Variants in SLC4A10 observed in about 807,000 individuals in gnomAD.
SLC4A10 encodes sodium-driven chloride bicarbonate exchanger.
Under a neutral mutation model 137.7 loss-of-function variants are expected in SLC4A10, and 42 were observed. The observed-to-expected ratio is 0.30, with a 90% confidence interval of 0.24 to 0.39. The LOEUF (loss-of-function observed/expected upper bound fraction) is 0.39, where lower values mean the gene tolerates loss of function less well. SLC4A10 is among the 10% of genes least tolerant of loss of function. The pLI is 1.00. For synonymous variants in SLC4A10, 474 were observed against 464.1 expected, an observed-to-expected ratio of 1.02 and a Z score of -0.27; for missense variants, 925 against 1,355.0, an observed-to-expected ratio of 0.68 and a Z score of 4.98.
intron 1 of SLC4A10, among the ~76,000 whole-genome samples, chr2:161,652,403 T>C (rs2036926983): frequency 6.6e-6 from 1 of 152,152 alleles, no homozygotes; most frequent in South Asian, 2.1e-4. Flanking sequence ...TGAGGGATCA[T>C]GTTGAATGCA....
intron 1 of SLC4A10, among the ~76,000 whole-genome samples, chr2:161,722,206 C>A (rs926649449): frequency 1.6e-4 from 25 of 152,172 alleles, no homozygotes; most frequent in Non-Finnish European, 5.9e-5. Flanking sequence ...CACCCTCAGC[C>A]CGGTTCTATG....
At position 161,982,553 on chromosome 2, in the gene SLC4A10, G is replaced by A. The variant is rs73007369; in HGVS notation, c.*27-626G>A. Among the ~76,000 whole-genome samples, 1,011 of 152,256 alleles carry A rather than the reference G, an allele frequency of 6.6e-3. 9 individuals carry two copies. The highest frequency in any genetic ancestry group is 0.023 in the African/African-American group (947 of 41,546). On this transcript the variant is annotated intron_variant, in intron 26 of 26. Coordinates refer to ENST00000446997, the MANE Select transcript of SLC4A10 (RefSeq NM_001178015.2). ...AAACAGAGGGTGAGATTAAACTTGG[G>A]AATGAGTTTGTCTGAGGAGTGAGGT...
intron 2 of SLC4A10, among the ~76,000 whole-genome samples, chr2:161,789,629 TATGGTACC>T (rs965605562): frequency 6.6e-5 from 10 of 152,208 alleles, no homozygotes; most frequent in African/African-American, 2.4e-4. Flanking sequence ...ATTATAGTTT[TATGGTACC>T]ACTATTTTAT....
chr2:161,948,358 A>C (rs1215489309), intron 17 of SLC4A10, among the ~76,000 whole-genome samples: 1 of 152,182 alleles, frequency 6.6e-6, no homozygotes, highest in Non-Finnish European at 1.5e-5. Context: ...AAATATTTCA[A>C]GAACTGTTCC....
intron 1 of SLC4A10, among the ~76,000 whole-genome samples, chr2:161,635,844 C>G (rs2034307306): frequency 6.6e-6 from 1 of 152,084 alleles, no homozygotes; most frequent in African/African-American, 2.4e-5. Context: ...ATTATTTTCT[C>G]CCTTGAAAAT....
At chr2:161,953,196 T>G (rs1319072083) in intron 19 of SLC4A10, among the ~76,000 whole-genome samples, 1 of 152,204 alleles carries the variant, frequency 6.6e-6, no homozygotes, top group Non-Finnish European at 1.5e-5. Context: ...CAACTCAGAA[T>G]TCCTCATTTC....
At chr2:161,626,130 G>A (rs960720166) in intron 1 of SLC4A10, among the ~76,000 whole-genome samples, 3 of 152,082 alleles carry the variant, frequency 2.0e-5, no homozygotes, top group Admixed American at 2.0e-4. Flanking sequence ...AGGAATCGTG[G>A]TATGGGGATT....
intron 13 of SLC4A10, 48 bp from the exon 14 acceptor site, chr2:161,904,726 ATG>A (rs1559502472): frequency 6.3e-7 from 1 of 1,599,746 alleles, no homozygotes; most frequent in Non-Finnish European, 8.5e-7. Flanking sequence ...CTTAGCTACA[ATG>A]GCCTCCTGTA....
chr2:161,692,313 C>G (rs1287825807), intron 1 of SLC4A10, among the ~76,000 whole-genome samples: 4 of 151,742 alleles, frequency 2.6e-5, no homozygotes, highest in Non-Finnish European at 5.9e-5. Flanking sequence ...ATATATAGGA[C>G]TATTAAATGT....
intron 1 of SLC4A10, among the ~76,000 whole-genome samples, chr2:161,669,415 CAT>C (rs940536196): frequency 6.6e-6 from 1 of 151,790 alleles, no homozygotes; most frequent in African/African-American, 2.4e-5. Flanking sequence ...GACACACACA[CAT>C]ATATAACATA....
At chr2:161,848,209 C>A (rs1037270059) in intron 4 of SLC4A10, among the ~76,000 whole-genome samples, 1 of 151,988 alleles carries the variant, frequency 6.6e-6, no homozygotes, top group African/African-American at 2.4e-5. Context: ...ATATCTTTTG[C>A]CCACTTTTTA....
intron 1 of SLC4A10, among the ~76,000 whole-genome samples, chr2:161,665,171 A>T (rs879207711): frequency 6.6e-6 from 1 of 151,728 alleles, no homozygotes; most frequent in Non-Finnish European, 1.5e-5. Flanking sequence ...TAGATGAGTA[A>T]ATTTTCCCTA....
At chr2:161,960,256 T>TG (rs898001536) in intron 21 of SLC4A10, among the ~76,000 whole-genome samples, 1 of 148,472 alleles carries the variant, frequency 6.7e-6, no homozygotes, top group African/African-American at 2.5e-5. Flanking sequence ...CCTAGCCACT[T>TG]GGGAGGCTGA....
intron 1 of SLC4A10, among the ~76,000 whole-genome samples, chr2:161,656,009 T>G (rs2037476636): frequency 1.3e-5 from 2 of 152,068 alleles, no homozygotes; most frequent in Non-Finnish European, 2.9e-5. Flanking sequence ...AGATGGGGTT[T>G]CACCGTGTTG....
At chr2:161,882,951 T>C (rs1438247629) in intron 10 of SLC4A10, among the ~76,000 whole-genome samples, 1 of 152,178 alleles carries the variant, frequency 6.6e-6, no homozygotes, top group East Asian at 1.9e-4. Flanking sequence ...TTGTGATTTC[T>C]GTAACAGAGC....
At chr2:161,982,788 C>A (rs1054526986) in intron 26 of SLC4A10, among the ~76,000 whole-genome samples, 1 of 152,120 alleles carries the variant, frequency 6.6e-6, no homozygotes, top group African/African-American at 2.4e-5. Context: ...ATGCCTCCTG[C>A]GACATCTTGT....
chr2:161,845,733 A>T (rs922188424), intron 4 of SLC4A10, among the ~76,000 whole-genome samples: 3 of 152,108 alleles, frequency 2.0e-5, no homozygotes, highest in African/African-American at 7.2e-5. Flanking sequence ...ATGAAGGAAA[A>T]ATAATCTTTT....
In SLC4A10 at chr2:161,890,531, T is replaced by C. The variant is rs2062804448; in HGVS notation, c.1195-4148T>C. 2.0e-5 allele frequency among the ~76,000 whole-genome samples: 3 copies of C among 152,244 alleles called. No individual in the cohort carries two copies. The South Asian group carries it at 6.2e-4, about 31-fold the overall frequency. On this transcript the variant is annotated intron_variant, in intron 10 of 26. Coordinates refer to ENST00000446997, the MANE Select transcript of SLC4A10 (RefSeq NM_001178015.2). ...GCTCTTCTTGTTGCATTGATCCCTT[T>C]ACCATTAGGTAATGCCCTTCTTTGT...
At chr2:161,719,634 G>T (rs552554586) in intron 1 of SLC4A10, among the ~76,000 whole-genome samples, 21 of 152,234 alleles carry the variant, frequency 1.4e-4, no homozygotes, top group African/African-American at 4.3e-4. Context: ...GTTTTGATTT[G>T]CATTTCTCTG....
Sources: allele counts gnomAD v4.1 joint callset (sites outside exome capture counted in the v4.1 genomes callset), GRCh38; gene constraint gnomAD v4.1.1; transcripts MANE v1.5; gene names NCBI Gene and HGNC (gene_info 2026-07-23, HGNC 2026-07-21).